Variants in CCDC85A observed in about 807,000 individuals in gnomAD.
CCDC85A encodes coiled-coil domain containing 85A.
Under a neutral mutation model 50.2 loss-of-function variants are expected in CCDC85A, and 38 were observed. The observed-to-expected ratio is 0.76, with a 90% confidence interval of 0.58 to 0.99. The LOEUF is 0.99. Among genes scored for constraint, CCDC85A ranks in the 50% least tolerant of loss-of-function variants. The pLI is 0.00. For missense variants in CCDC85A, 820 were observed against 742.0 expected, an observed-to-expected ratio of 1.11 and a Z score of -1.22; for synonymous variants, 366 against 301.4, an observed-to-expected ratio of 1.21 and a Z score of -2.22.
chr2:56,238,348 C>G (rs1669111860), intron 2 of CCDC85A, among the ~76,000 whole-genome samples: 1 of 150,086 alleles, frequency 6.7e-6, no homozygotes, highest in Non-Finnish European at 1.5e-5. Context: ...ACCCGGCAGG[C>G]AGAGGTTGCA....
intron 2 of CCDC85A, among the ~76,000 whole-genome samples, chr2:56,253,844 G>T (rs572341168): frequency 7.2e-4 from 110 of 152,156 alleles, no homozygotes; most frequent in Non-Finnish European, 1.4e-3. Flanking sequence ...TGCTGAGATT[G>T]TGTGCTAGCT....
chr2:56,335,962 T>G (rs1044671081), intron 2 of CCDC85A, among the ~76,000 whole-genome samples: 2 of 152,232 alleles, frequency 1.3e-5, no homozygotes, highest in South Asian at 4.1e-4. Context: ...CATGGCCTAG[T>G]CACCTCTTAA....
At chr2:56,235,729 A>T (rs536509437) in intron 2 of CCDC85A, among the ~76,000 whole-genome samples, 1 of 152,212 alleles carries the variant, frequency 6.6e-6, no homozygotes, top group African/African-American at 2.4e-5. Context: ...GGTACAAATG[A>T]GATCTTAAAT....
At chr2:56,377,928 G>A (rs1676415162) in intron 5 of CCDC85A, among the ~76,000 whole-genome samples, 1 of 151,794 alleles carries the variant, frequency 6.6e-6, no homozygotes, top group South Asian at 2.1e-4. Context: ...AAGAGAGGGA[G>A]ATTTTATGTT....
At chr2:56,367,545 A>C (rs1675858172) in intron 3 of CCDC85A, among the ~76,000 whole-genome samples, 1 of 152,142 alleles carries the variant, frequency 6.6e-6, no homozygotes, top group Non-Finnish European at 1.5e-5. Context: ...TGGGCTAGAT[A>C]ATCCTTTCTT....
intron 2 of CCDC85A, among the ~76,000 whole-genome samples, chr2:56,308,788 G>A (rs1573224789): frequency 6.6e-6 from 1 of 152,144 alleles, no homozygotes; most frequent in African/African-American, 2.4e-5. Context: ...CTCATTGACC[G>A]CTGCGCTGTA....
chr2:56,210,640 G>A (rs1264592876), intron 2 of CCDC85A, among the ~76,000 whole-genome samples: 1 of 151,952 alleles, frequency 6.6e-6, no homozygotes, highest in Non-Finnish European at 1.5e-5. Flanking sequence ...GGGCTGGGAT[G>A]GCTTGGAGTT....
At chr2:56,282,741 C>T (rs143642213) in intron 2 of CCDC85A, among the ~76,000 whole-genome samples, 5,829 of 152,304 alleles carry the variant, frequency 0.038, 167 homozygotes, top group Non-Finnish European at 0.064. Flanking sequence ...AACTCCTGAC[C>T]TCATGTGATC....
At chr2:56,334,221 G>A (rs1322887102) in intron 2 of CCDC85A, among the ~76,000 whole-genome samples, 1 of 152,078 alleles carries the variant, frequency 6.6e-6, no homozygotes, top group Admixed American at 6.5e-5. Context: ...CTGGAATGTG[G>A]GCTCCATAAA....
chr2:56,247,331 C>T (rs1669554601), intron 2 of CCDC85A, among the ~76,000 whole-genome samples: 1 of 152,168 alleles, frequency 6.6e-6, no homozygotes, highest in Admixed American at 6.5e-5. Flanking sequence ...TAATACTTAT[C>T]TAGATTGCAG....
At chr2:56,277,465 T>G (rs1472249070) in intron 2 of CCDC85A, among the ~76,000 whole-genome samples, 2 of 152,284 alleles carry the variant, frequency 1.3e-5, no homozygotes, top group Middle Eastern at 6.8e-3. Context: ...AAAAAACCTT[T>G]AGAGATTCTT....
chr2:56,330,885 G>A (rs1299744619), intron 2 of CCDC85A, among the ~76,000 whole-genome samples: 1 of 151,936 alleles, frequency 6.6e-6, no homozygotes, highest in East Asian at 1.9e-4. Context: ...TCTCCCCAAA[G>A]GAAAAGTGAT....
chr2:56,215,637 T>G (rs1248936048), intron 2 of CCDC85A, among the ~76,000 whole-genome samples: 2 of 151,552 alleles, frequency 1.3e-5, no homozygotes, highest in Non-Finnish European at 3.0e-5. Context: ...TTTTTCTATG[T>G]CAGTTGATAT....
At chr2:56,281,063 C>A (rs1277963143) in intron 2 of CCDC85A, among the ~76,000 whole-genome samples, 1 of 152,104 alleles carries the variant, frequency 6.6e-6, no homozygotes, top group Non-Finnish European at 1.5e-5. Flanking sequence ...ACATTTCCAT[C>A]ACCCCCAAAA....
rs1168867077 is a variant in CCDC85A at position 56,184,778 on chromosome 2, C to T, written c.154C>T (p.Leu52=). The change falls in exon 1 of 6, where the codon CTG becomes TTG. Residue 52 remains leucine (L), a synonymous_variant. Transcript: ENST00000407595. The stretch of plus-strand genomic sequence containing the variant: ...GCTGCTGCAGTGGAGCAAGGAGGAG[C>T]TGATCCGCAGCCTGCGGCGCGCCGA... ...EELLQWSKEE[L]IRSLRRAEAE... is the part of the protein sequence containing the mutation. 6.5e-7 allele frequency: 1 copy of T among 1,546,410 alleles called. No homozygotes were observed. Among genetic ancestry groups the T allele is most frequent in the East Asian group, 2.5e-5 (1 of 40,704 alleles).
intron 5 of CCDC85A, among the ~76,000 whole-genome samples, chr2:56,382,492 CTAAGAAATAGTAAATCTGCCTTT>C (rs1463527238): frequency 6.6e-6 from 1 of 151,954 alleles, no homozygotes; most frequent in Non-Finnish European, 1.5e-5. Context: ...GTACTGCCCC[CTAAGAAATAGTAAATCTGCCTTT>C]TTGTAGTAGT....
In CCDC85A at chr2:56,184,685, G is replaced by A. The variant is rs1276281281; in HGVS notation, c.61G>A (p.Ala21Thr). ...AAAAAESCSP[A>T]PAGSSAAPPA... ...GGCGGCGGCGGAAAGTTGTTCCCCAGCCCCGGCCGGCTCGTCCGCGGCCCC... is the reference window on the plus strand; with the variant it reads ...GGCGGCGGCGGAAAGTTGTTCCCCAACCCCGGCCGGCTCGTCCGCGGCCCC... Residue 21 changes from alanine (A) to threonine (T), a missense_variant, in exon 1 of 6, where the codon GCC becomes ACC. Coordinates refer to ENST00000407595, the MANE Select transcript of CCDC85A (RefSeq NM_001080433.2). 7.2e-6 allele frequency: 11 copies of A among 1,521,096 alleles called. No homozygotes were observed. The highest frequency in any genetic ancestry group is 9.7e-6 in the Non-Finnish European group (11 of 1,139,080). 94.2% of individuals were successfully genotyped at this position (1,521,096 alleles called of 1,614,324 possible).
intron 2 of CCDC85A, among the ~76,000 whole-genome samples, chr2:56,329,825 A>AC (rs1209857511): frequency 6.6e-6 from 1 of 152,102 alleles, no homozygotes; most frequent in Non-Finnish European, 1.5e-5. Context: ...TAAAAAGCCA[A>AC]CCATACATGG....
intron 2 of CCDC85A, among the ~76,000 whole-genome samples, chr2:56,265,479 G>A (rs759434523): frequency 1.6e-4 from 24 of 151,528 alleles, no homozygotes; most frequent in Non-Finnish European, 8.8e-5. Flanking sequence ...TTTAAAAAGG[G>A]CAAAGGACCT....
Sources: allele counts gnomAD v4.1 joint callset (sites outside exome capture counted in the v4.1 genomes callset), GRCh38; gene constraint gnomAD v4.1.1; transcripts MANE v1.5; gene names NCBI Gene and HGNC (gene_info 2026-07-23, HGNC 2026-07-21).